ZNF385D: variants seen among roughly 807,000 people sequenced by gnomAD.
ZNF385D encodes zinc finger protein 659.
In ZNF385D, 15 loss-of-function variants were observed where a neutral mutation model predicts 35.8. The observed-to-expected ratio is 0.42, with a 90% CI of 0.28 to 0.64. ZNF385D has a LOEUF of 0.64. Among genes scored for constraint, ZNF385D ranks in the 30% least tolerant of loss-of-function variants. The pLI, the probability that ZNF385D is intolerant of heterozygous loss-of-function variation, is 0.23. For synonymous variants in ZNF385D, 212 were observed against 186.8 expected, an observed-to-expected ratio of 1.13 and a Z score of -1.10; for missense variants, 474 against 494.6, an observed-to-expected ratio of 0.96 and a Z score of 0.39.
At chr3:21,969,912 G>T (rs560034606) in intron 3 of ZNF385D, among the ~76,000 whole-genome samples, 1 of 152,154 alleles carries the variant, frequency 6.6e-6, no homozygotes, top group African/African-American at 2.4e-5. Flanking sequence ...AAGAGTCTCT[G>T]CCTGGTATTC....
chr3:22,218,351 C>T (rs746120382), intron 2 of ZNF385D, among the ~76,000 whole-genome samples: 2 of 151,370 alleles, frequency 1.3e-5, no homozygotes, highest in Admixed American at 6.6e-5. Context: ...AAAATTATTG[C>T]TGGTAAACAG....
intron 3 of ZNF385D, among the ~76,000 whole-genome samples, chr3:21,850,737 A>G (rs1400877173): frequency 1.3e-5 from 2 of 152,074 alleles, no homozygotes; most frequent in Non-Finnish European, 2.9e-5. Flanking sequence ...CACTTGGGAT[A>G]CTTCGTTAAG....
intron 2 of ZNF385D, among the ~76,000 whole-genome samples, chr3:22,253,621 A>T (rs1700169299): frequency 2.0e-5 from 3 of 151,888 alleles, no homozygotes; most frequent in Admixed American, 2.0e-4. Flanking sequence ...CCTGGCATTG[A>T]TTTTTTTCAG....
rs141450552 is a variant in ZNF385D, at chr3:21,895,571, C to G, written c.326-230543G>C. 9.5e-3 allele frequency among the ~76,000 whole-genome samples: 1,432 copies of G among 149,992 alleles called. 16 individuals carry two copies. The highest frequency in any genetic ancestry group is 0.017 in the Non-Finnish European group (1,135 of 67,556). The stretch of plus-strand genomic sequence containing the variant: ...GGCCAGGCTGGTCTCAAACCCCTGA[C>G]CTCAAGTGATCTGCCCACCTCGGCC... On this transcript the variant is annotated intron_variant, in intron 3 of 5. Transcript: ENST00000494108.
chr3:21,442,606 T>A (rs1375896788), intron 4 of ZNF385D, among the ~76,000 whole-genome samples: 25 of 152,078 alleles, frequency 1.6e-4, no homozygotes, highest in Non-Finnish European at 1.0e-4. Context: ...ACCACACTCT[T>A]AGACCCAGGC....
At chr3:21,767,457 G>C (rs2070879319) in intron 3 of ZNF385D, among the ~76,000 whole-genome samples, 1 of 151,852 alleles carries the variant, frequency 6.6e-6, no homozygotes, top group Non-Finnish European at 1.5e-5. Flanking sequence ...TGCTTCCTTA[G>C]CACACCCTTC....
At chr3:21,933,970 T>G (rs1003695232) in intron 3 of ZNF385D, among the ~76,000 whole-genome samples, 1 of 151,686 alleles carries the variant, frequency 6.6e-6, no homozygotes, top group African/African-American at 2.4e-5. Flanking sequence ...GCCTCTCAAT[T>G]AGTCACTATT....
chr3:22,021,327 T>C (rs1348347470), intron 3 of ZNF385D, among the ~76,000 whole-genome samples: 3 of 151,938 alleles, frequency 2.0e-5, no homozygotes, highest in Admixed American at 1.3e-4. Flanking sequence ...TCAAAGCTTG[T>C]GGGGGAGTCA....
chr3:22,046,384 C>T (rs6774955), intron 3 of ZNF385D, among the ~76,000 whole-genome samples: 31,005 of 151,954 alleles, frequency 0.2, 3,369 homozygotes, highest in South Asian at 0.36. Context: ...AATGCCCTGA[C>T]AGCCCACTAT....
intron 3 of ZNF385D, among the ~76,000 whole-genome samples, chr3:21,999,518 A>G (rs2064362251): frequency 6.6e-6 from 1 of 152,176 alleles, no homozygotes; most frequent in Non-Finnish European, 1.5e-5. Flanking sequence ...TTCTCATCAA[A>G]TTCTTTAACT....
intron 3 of ZNF385D, among the ~76,000 whole-genome samples, chr3:21,953,266 T>C (rs545049491): frequency 2.0e-5 from 3 of 151,846 alleles, no homozygotes; most frequent in South Asian, 2.1e-4. Flanking sequence ...ATAAAACTTT[T>C]TTTTTTTTCC....
At chr3:21,915,662 A>T (rs1487380645) in intron 3 of ZNF385D, among the ~76,000 whole-genome samples, 2 of 152,172 alleles carry the variant, frequency 1.3e-5, no homozygotes, top group Non-Finnish European at 2.9e-5. Flanking sequence ...AAAACAACAA[A>T]GTGCTTTATA....
chr3:21,794,164 G>C (rs900413781), intron 3 of ZNF385D, among the ~76,000 whole-genome samples: 1 of 152,112 alleles, frequency 6.6e-6, no homozygotes, highest in East Asian at 1.9e-4. Flanking sequence ...GAAGGCACCT[G>C]ATCTCTACCT....
At chr3:22,216,508 G>A (rs530453398) in intron 2 of ZNF385D, among the ~76,000 whole-genome samples, 6 of 152,054 alleles carry the variant, frequency 3.9e-5, no homozygotes, top group African/African-American at 1.4e-4. Context: ...AGGAGGTAGA[G>A]GTTTCAAGTA....
chr3:21,626,267 C>CAGA (rs1378963451), intron 2 of ZNF385D, among the ~76,000 whole-genome samples: 1 of 151,970 alleles, frequency 6.6e-6, no homozygotes, highest in East Asian at 1.9e-4. Context: ...GAAAACATGA[C>CAGA]AGAATGAGGA....
chr3:21,772,760 G>A (rs115626392), intron 3 of ZNF385D, among the ~76,000 whole-genome samples: 1 of 151,960 alleles, frequency 6.6e-6, no homozygotes, highest in Admixed American at 6.6e-5. Flanking sequence ...GAACACCTAC[G>A]TTCATAACAG....
At chr3:21,597,170 C>T (rs3849541) in intron 2 of ZNF385D, among the ~76,000 whole-genome samples, 72,854 of 151,794 alleles carry the variant, frequency 0.48, 17,624 homozygotes, top group African/African-American at 0.54. Flanking sequence ...TTTAATCAAC[C>T]AATTATAATT....
chr3:21,536,694 G>C (rs906694517), intron 3 of ZNF385D, among the ~76,000 whole-genome samples: 6 of 151,954 alleles, frequency 3.9e-5, no homozygotes, highest in African/African-American at 1.2e-4. Flanking sequence ...TTGGAGTTGG[G>C]CAATATACAT....
rs551666010 is a variant in ZNF385D at position 21,656,775 on chromosome 3, G to C, written c.165+8111C>G. 1.2e-3 allele frequency among the ~76,000 whole-genome samples: 181 copies of C among 151,786 alleles called. 3 individuals are homozygous for C. The highest frequency in any genetic ancestry group is 0.01 in the Middle Eastern group (3 of 292). On this transcript the variant is annotated intron_variant, in intron 2 of 7. Coordinates refer to ENST00000281523, the MANE Select transcript of ZNF385D (RefSeq NM_024697.3). Reference sequence around the variant, plus strand: ...AACTGGACATCACTCAATAACTCTAGGCTTGCTTACCTGTAAAATAAGCAT... The same window carrying C: ...AACTGGACATCACTCAATAACTCTACGCTTGCTTACCTGTAAAATAAGCAT...
Sources: gnomAD v4.1 joint callset for allele counts (sites outside exome capture counted in the v4.1 genomes callset) on GRCh38, gnomAD v4.1.1 for gene constraint, MANE v1.5 for transcripts, NCBI Gene and HGNC (gene_info 2026-07-23, HGNC 2026-07-21) for gene names.